The following GRID1 variants were observed in gnomAD, a reference collection of about 807,000 sequenced individuals.
GRID1 encodes glutamate receptor ionotropic, delta-1.
In GRID1, 28 loss-of-function variants were observed where a neutral mutation model predicts 98.0. That is an observed-to-expected ratio of 0.29 (90% CI 0.21 to 0.39). The LOEUF is 0.39. GRID1 is among the 10% of genes least tolerant of loss of function. GRID1 has a pLI of 1.00. For missense variants in GRID1, 1,111 were observed against 1,340.5 expected, an observed-to-expected ratio of 0.83 and a Z score of 2.67; for synonymous variants, 553 against 538.5, an observed-to-expected ratio of 1.03 and a Z score of -0.37.
At chr10:85,773,284 T>C (rs1357471160) in intron 8 of GRID1, among the ~76,000 whole-genome samples, 1 of 152,114 alleles carries the variant, frequency 6.6e-6, no homozygotes, top group African/African-American at 2.4e-5. Flanking sequence ...CCCTTCATGC[T>C]AAAAACTCTC....
intron 3 of GRID1, among the ~76,000 whole-genome samples, chr10:86,202,358 A>G (rs561839551): frequency 5.3e-4 from 81 of 152,374 alleles, no homozygotes; most frequent in African/African-American, 1.9e-3. Context: ...AGCTCATCAT[A>G]ATTACAACCT....
intron 12 of GRID1, among the ~76,000 whole-genome samples, chr10:85,655,242 G>A (rs1840881843): frequency 6.6e-6 from 1 of 152,134 alleles, no homozygotes; most frequent in Admixed American, 6.5e-5. Context: ...TACCCACCCT[G>A]AAGGAATCAG....
Position 85,647,334 on chromosome 10 carries a change from T to C in GRID1, c.2061A>G (p.Val687=), listed in dbSNP as rs764526113. The change falls in exon 13 of 16, where the codon GTA becomes GTG. Residue 687 remains valine, a synonymous_variant. Transcript: ENST00000327946. ...MSYGTVRDSA[V]YEYFRAKGTN... The stretch of plus-strand genomic sequence containing the variant: ...TGCCCTTGGCTCGGAAGTACTCATA[T>C]ACAGCAGAATCCCGGACAGTGCCAT... 1.5e-5 allele frequency: 25 copies of C among 1,614,248 alleles called. No individual in the cohort carries two copies. The highest frequency in any genetic ancestry group is 3.3e-5 in the Admixed American group (2 of 60,038).
chr10:85,798,986 G>T (rs1216215763), intron 8 of GRID1, among the ~76,000 whole-genome samples: 2 of 151,968 alleles, frequency 1.3e-5, no homozygotes, highest in East Asian at 3.8e-4. Flanking sequence ...TAGTTTGGGG[G>T]TCTAACATTT....
chr10:85,921,566 G>A (rs949827496), intron 4 of GRID1, among the ~76,000 whole-genome samples: 14 of 152,152 alleles, frequency 9.2e-5, no homozygotes, highest in African/African-American at 2.9e-4. Flanking sequence ...TGTGGGCCAC[G>A]TACTGGCTCC....
At chr10:86,030,569 C>T (rs2131892404) in intron 4 of GRID1, among the ~76,000 whole-genome samples, 1 of 152,286 alleles carries the variant, frequency 6.6e-6, no homozygotes, top group Admixed American at 6.5e-5. Flanking sequence ...TAGATCAACC[C>T]CAGGAGGAGC....
At chr10:85,857,398 C>T (rs573350652) in intron 6 of GRID1, among the ~76,000 whole-genome samples, 12 of 152,182 alleles carry the variant, frequency 7.9e-5, no homozygotes, top group South Asian at 6.2e-4. Flanking sequence ...CTATAGACCC[C>T]GATCTGGATG....
At chr10:85,786,729 G>T (rs1040119417) in intron 8 of GRID1, among the ~76,000 whole-genome samples, 1 of 152,160 alleles carries the variant, frequency 6.6e-6, no homozygotes, top group Admixed American at 6.6e-5. Context: ...GGAAAGGGCC[G>T]ATTAGATTAG....
intron 8 of GRID1, among the ~76,000 whole-genome samples, chr10:85,731,830 AGGAAGGGAG>A (rs1379801051): frequency 9.8e-5 from 6 of 61,462 alleles, no homozygotes; most frequent in African/African-American, 4.3e-4. Context: ...GAAGGAAGGA[AGGAAGGGAG>A]GGAGGGAGGG....
At chr10:86,323,303 C>T (rs554455553) in intron 2 of GRID1, among the ~76,000 whole-genome samples, 6 of 152,274 alleles carry the variant, frequency 3.9e-5, no homozygotes, top group East Asian at 3.9e-4. Context: ...GGAGCAGCCC[C>T]GACCTCACAG....
At chr10:85,918,649 C>G (rs535901974) in intron 4 of GRID1, among the ~76,000 whole-genome samples, 1 of 152,204 alleles carries the variant, frequency 6.6e-6, no homozygotes, top group East Asian at 1.9e-4. Flanking sequence ...TGGAATTGCT[C>G]TATGCATCCT....
Position 85,865,942 on chromosome 10 carries a change from T to TACATATATATATATATATATATATATAC in GRID1, c.951+3067_951+3068insGTATATATATATATATATATATATATGT, listed in dbSNP as rs1843214227. 3.2e-5 allele frequency among the ~76,000 whole-genome samples: 3 copies of TACATATATATATATATATATATATATAC among 94,876 alleles called. 1 individual carries two copies. The highest frequency in any genetic ancestry group is 1.2e-4 in the African/African-American group (3 of 25,012). 62.2% of individuals were successfully genotyped at this position (94,876 alleles called of 152,430 possible). ...ATATATATATATATATATATATATATACACATATATATGGAGAGAGAGAGA... is the reference window on the plus strand; with the variant it reads ...ATATATATATATATATATATATATATACATATATATATATATATATATATATACACACATATATATGGAGAGAGAGAGA... On this transcript the variant is annotated intron_variant, in intron 6 of 15. Coordinates refer to ENST00000327946, the MANE Select transcript of GRID1 (RefSeq NM_017551.3).
chr10:85,707,506 C>T (rs750841056), intron 12 of GRID1, among the ~76,000 whole-genome samples: 2 of 152,190 alleles, frequency 1.3e-5, no homozygotes, highest in African/African-American at 2.4e-5. Context: ...CACTTTTACA[C>T]TGTTGGTGGG....
intron 4 of GRID1, among the ~76,000 whole-genome samples, chr10:86,131,601 A>G (rs1431275675): frequency 2.0e-5 from 3 of 152,204 alleles, no homozygotes; most frequent in Non-Finnish European, 4.4e-5. Context: ...GAGCACCAAG[A>G]ATGGGATGGC....
chr10:85,609,343 C>A (rs570487757), intron 15 of GRID1, among the ~76,000 whole-genome samples: 1 of 152,326 alleles, frequency 6.6e-6, no homozygotes, highest in South Asian at 2.1e-4. Flanking sequence ...GATAGAGTAG[C>A]CCCTTGGCCA....
At chr10:86,255,179 G>A (rs1403387317) in intron 2 of GRID1, among the ~76,000 whole-genome samples, 5 of 152,228 alleles carry the variant, frequency 3.3e-5, no homozygotes, top group African/African-American at 1.2e-4. Context: ...AAAGAAGCAA[G>A]CCAAGATGCA....
intron 4 of GRID1, among the ~76,000 whole-genome samples, chr10:85,977,953 C>T (rs565652229): frequency 1.2e-4 from 19 of 152,282 alleles, no homozygotes; most frequent in South Asian, 2.1e-4. Context: ...TGATCACAGA[C>T]GCCACTCCAG....
intron 3 of GRID1, among the ~76,000 whole-genome samples, chr10:86,167,012 T>G (rs1205532649): frequency 2.0e-5 from 3 of 152,204 alleles, no homozygotes. Context: ...AAAGGCTGAA[T>G]GGGGAGCACC....
intron 2 of GRID1, among the ~76,000 whole-genome samples, chr10:86,327,737 T>C (rs757743804): frequency 1.3e-5 from 2 of 152,216 alleles, no homozygotes; most frequent in African/African-American, 4.8e-5. Flanking sequence ...CTATCAGCCA[T>C]TGGACTGACA....
Sources: gnomAD v4.1 joint callset for allele counts (sites outside exome capture counted in the v4.1 genomes callset) on GRCh38, gnomAD v4.1.1 for gene constraint, MANE v1.5 for transcripts, NCBI Gene and HGNC (gene_info 2026-07-23, HGNC 2026-07-21) for gene names.